The following CDHR3 variants were observed in gnomAD, a reference collection of about 807,000 sequenced individuals.
CDHR3 encodes the protein cadherin-related family member 3.
A neutral mutation model predicts 86.6 loss-of-function variants in CDHR3; 79 were observed. The observed-to-expected ratio is 0.91, with a 90% CI of 0.76 to 1.10. The LOEUF is 1.10. CDHR3 is among the 50% of genes least tolerant of loss of function. The probability of loss-of-function intolerance (pLI) is 0.00; values close to 1 mark genes in which losing one functional copy is unlikely to be tolerated. For synonymous variants in CDHR3, 421 were observed against 402.4 expected (o/e 1.05, Z -0.55); for missense variants, 1,081 against 1,077.6 (o/e 1.00, Z -0.04).
intron 6 of CDHR3, 21 bp from the exon 7 acceptor site, chr7:106,001,441 T>A: frequency 6.2e-7 from 1 of 1,612,542 alleles, no homozygotes; most frequent in East Asian, 2.2e-5. Context: ...ATTAGCTGTG[T>A]CTGCTGTATC....
chr7:105,968,959 G>T (rs943756391), intron 1 of CDHR3, among the ~76,000 whole-genome samples: 1 of 151,436 alleles, frequency 6.6e-6, no homozygotes. Context: ...GTGGTGGCGG[G>T]CACCTGTAGT....
chr7:105,996,328 C>A lies in CDHR3; in HGVS notation c.687C>A (p.Leu229=). Reference sequence around the variant, plus strand: ...AGCTCCAGGTGAACATCGTGAACCTCAACGACGAAGTCCCTCGCTTTACCA... The same window carrying A: ...AGCTCCAGGTGAACATCGTGAACCTAAACGACGAAGTCCCTCGCTTTACCA... ...STELQVNIVN[L]NDEVPRFTSP... The change falls in exon 6 of 19, where the codon CTC becomes CTA. Residue 229 remains leucine, a synonymous_variant. Transcript: ENST00000317716. 6.3e-7 allele frequency: 1 copy of A among 1,595,932 alleles called. No homozygotes were observed. Among genetic ancestry groups the A allele is most frequent in the Non-Finnish European group, 8.6e-7 (1 of 1,165,884 alleles).
Position 106,004,688 on chromosome 7 carries a change from G to C in CDHR3, c.1052+1G>C. 1 of 1,613,932 alleles carries C rather than the reference G, an allele frequency of 6.2e-7. No individual in the cohort carries two copies. Among genetic ancestry groups the C allele is most frequent in the Non-Finnish European group, 8.5e-7 (1 of 1,179,868 alleles). On this transcript the variant is annotated splice_donor_variant, in intron 8 of 18. Transcript: ENST00000317716. LOFTEE classifies it high-confidence loss of function. Reference sequence around the variant, plus strand: ...CCACATGCCAAAAGTTCACCTTCAGGTATGCACACTTTGAAAGTTGGGCTG... The same window carrying C: ...CCACATGCCAAAAGTTCACCTTCAGCTATGCACACTTTGAAAGTTGGGCTG...
chr7:105,981,693 C>A (rs1460787748), intron 3 of CDHR3, among the ~76,000 whole-genome samples: 3 of 152,146 alleles, frequency 2.0e-5, no homozygotes, highest in Non-Finnish European at 4.4e-5. Context: ...AAACATCCAC[C>A]TTTCTCACCC....
rs768695707 is a variant in CDHR3 at position 106,018,083 on chromosome 7, CT to C, written c.1653+12del. ...ACAAGCTCTGTCACTGTGAGTGGTG[CT>C]GCTTGGTATAGTGCCGGTAACCCAA... On this transcript the variant is annotated intron_variant, in intron 12 of 18. Coordinates refer to ENST00000317716, the MANE Select transcript of CDHR3 (RefSeq NM_152750.5). 23 of 1,609,282 alleles carry C rather than the reference CT, an allele frequency of 1.4e-5. No individual in the cohort carries two copies. The highest frequency in any genetic ancestry group is 1.9e-5 in the Non-Finnish European group (22 of 1,176,524).
chr7:105,996,185 C>A (rs1020173348), intron 5 of CDHR3, 65 bp from the exon 6 acceptor site: 22 of 869,318 alleles, frequency 2.5e-5, no homozygotes, highest in Middle Eastern at 4.3e-4. Context: ...CATGATTTTC[C>A]CCATCCTATT....
intron 5 of CDHR3, among the ~76,000 whole-genome samples, chr7:105,995,580 T>C (rs1832062977): frequency 6.6e-6 from 1 of 152,206 alleles, no homozygotes; most frequent in African/African-American, 2.4e-5. Context: ...GCTCGTTTTA[T>C]GGCCCTTGAG....
At chr7:105,963,400 C>G (rs1331209956) in intron 1 of CDHR3, 36 bp downstream of exon 1, 1 of 1,604,766 alleles carries the variant, frequency 6.2e-7, no homozygotes, top group Admixed American at 1.7e-5. Context: ...CCTTGCTTGC[C>G]TACTTGGTCT....
intron 1 of CDHR3, among the ~76,000 whole-genome samples, chr7:105,965,035 G>T (rs565990856): frequency 6.6e-6 from 1 of 152,336 alleles, no homozygotes; most frequent in Admixed American, 6.5e-5. Flanking sequence ...CTATCATTTG[G>T]AATTTTATCA....
At chr7:105,984,048 G>C in intron 3 of CDHR3, 144 bp from the exon 4 acceptor site, 1 of 479,646 alleles carries the variant, frequency 2.1e-6, no homozygotes, top group Non-Finnish European at 3.8e-6. Flanking sequence ...CAGTGGTCTT[G>C]CTCATGGATT....
chr7:106,031,208 C>A (rs868692041), intron 18 of CDHR3, among the ~76,000 whole-genome samples: 5 of 152,188 alleles, frequency 3.3e-5, no homozygotes, highest in African/African-American at 7.2e-5. Context: ...TTGCCCCCCC[C>A]AGCCCATCCA....
rs372930710 is a variant in CDHR3 at position 105,965,562 on chromosome 7, G to GCCCCC, written c.46+2202_46+2203insCCCCC. 7.6e-3 allele frequency among the ~76,000 whole-genome samples: 427 copies of GCCCCC among 56,166 alleles called. 29 individuals carry two copies. Among genetic ancestry groups the GCCCCC allele is most frequent in the East Asian group, 0.042 (25 of 600 alleles). 36.8% of individuals were successfully genotyped at this position (56,166 alleles called of 152,430 possible). A position where few individuals can be genotyped will look rare whatever the true frequency, so the allele number is the denominator to read the frequency against. ...ATGCTTCCTTCAAGGCCCAACTCAAGCCCCACCCCCCCCCATGGAGTCTTC... is the reference window on the plus strand; with the variant it reads ...ATGCTTCCTTCAAGGCCCAACTCAAGCCCCCCCCCACCCCCCCCCATGGAGTCTTC... On this transcript the variant is annotated intron_variant, in intron 1 of 18. Transcript: ENST00000317716.
rs180697297 is a variant in CDHR3 at position 105,982,517 on chromosome 7, C to T, written c.415+1384C>T. Among the ~76,000 whole-genome samples, 4 of 151,326 alleles carry T rather than the reference C, an allele frequency of 2.6e-5. No homozygotes were observed. The East Asian group carries it at 7.8e-4, about 29-fold the overall frequency. ...AAAAGAACCAATTAAATCTGGCAAG[C>T]TGCCTACATTCCTTACCCTCCTACC... On this transcript the variant is annotated intron_variant, in intron 3 of 18. Coordinates refer to ENST00000317716, the MANE Select transcript of CDHR3 (RefSeq NM_152750.5).
At chr7:105,969,389 CTCCGTCTCAAA>C (rs1827556803) in intron 1 of CDHR3, among the ~76,000 whole-genome samples, 1 of 119,000 alleles carries the variant, frequency 8.4e-6, no homozygotes, top group Non-Finnish European at 1.7e-5. Context: ...GACAGCGAGA[CTCCGTCTCAAA>C]AAAAAAAAAA....
chr7:106,015,336 AC>A (rs777825646), intron 10 of CDHR3, 123 bp downstream of exon 10: 19 of 742,506 alleles, frequency 2.6e-5, no homozygotes, highest in Non-Finnish European at 3.6e-5. Flanking sequence ...TCATGCGGGG[AC>A]CCCCTCTTTC....
At chr7:105,972,000 G>A (rs543102478) in intron 1 of CDHR3, among the ~76,000 whole-genome samples, 1 of 152,320 alleles carries the variant, frequency 6.6e-6, no homozygotes, top group East Asian at 1.9e-4. Context: ...CATGTGACAG[G>A]CATGGAGTGA....
At chr7:106,022,986 C>T (rs1303234035) in intron 14 of CDHR3, among the ~76,000 whole-genome samples, 4 of 152,124 alleles carry the variant, frequency 2.6e-5, no homozygotes, top group African/African-American at 9.7e-5. Context: ...TATAGTGTGC[C>T]AGTCACTTTA....
At chr7:105,991,381 G>C (rs1249555347) in intron 4 of CDHR3, among the ~76,000 whole-genome samples, 8 of 151,194 alleles carry the variant, frequency 5.3e-5, no homozygotes, top group Admixed American at 2.0e-4. Flanking sequence ...AATTAGCCTG[G>C]TGTTAAAAAG....
At position 106,033,874 on chromosome 7, in the gene CDHR3, G is replaced by C. The variant is rs1448912570; in HGVS notation, c.*1177G>C. Reference sequence around the variant, plus strand: ...TGGAGCAATTGCTGGATCTGCCAAAGAGTTCCAAAGTGGTGGCTCTGATTC... The same window carrying C: ...TGGAGCAATTGCTGGATCTGCCAAACAGTTCCAAAGTGGTGGCTCTGATTC... On this transcript the variant is annotated 3_prime_UTR_variant, in exon 19 of 19. Transcript: ENST00000317716. The C allele has an allele frequency of 6.6e-6, 1 of 152,246 alleles. No homozygotes were observed. Among genetic ancestry groups the C allele is most frequent in the Non-Finnish European group, 1.5e-5 (1 of 68,048 alleles). 9.4% of individuals were successfully genotyped at this position (152,246 alleles called of 1,614,324 possible). A position where few individuals can be genotyped will look rare whatever the true frequency, so the allele number is the denominator to read the frequency against.
Sources: allele counts gnomAD v4.1 joint callset (sites outside exome capture counted in the v4.1 genomes callset), GRCh38; gene constraint gnomAD v4.1.1; transcripts MANE v1.5; gene names NCBI Gene and HGNC (gene_info 2026-07-23, HGNC 2026-07-21).